ATR: variants seen among roughly 807,000 people sequenced by gnomAD.
ATR encodes the protein ATR checkpoint kinase, also known as serine/threonine-protein kinase ATR.
ATR carries 142 observed loss-of-function variants against 305.3 expected under a neutral mutation model. That is an observed-to-expected ratio of 0.47 (90% CI 0.41 to 0.53). The LOEUF is 0.53. Ranked by LOEUF, ATR falls within the 20% of genes least tolerant of loss-of-function variation. The pLI is 0.00. For missense variants in ATR, 2,135 were observed against 3,133.1 expected (o/e 0.68, Z 7.60); for synonymous variants, 1,050 against 1,068.1 (o/e 0.98, Z 0.33).
intron 27 of ATR, among the ~76,000 whole-genome samples, chr3:142,509,747 G>A (rs1219622422): frequency 6.6e-6 from 1 of 151,032 alleles, no homozygotes; most frequent in African/African-American, 2.4e-5. Flanking sequence ...TTGTAGAGAT[G>A]GGGGTCTCTA....
At chr3:142,518,642 T>TA (rs1295189246) in intron 24 of ATR, among the ~76,000 whole-genome samples, 6 of 152,290 alleles carry the variant, frequency 3.9e-5, no homozygotes, top group African/African-American at 9.6e-5. Context: ...TTTCTAAGTA[T>TA]AAAAAATTAT....
intron 8 of ATR, 43 bp from the exon 9 acceptor site, chr3:142,556,618 A>G: frequency 1.3e-6 from 2 of 1,563,868 alleles, no homozygotes; most frequent in Middle Eastern, 3.4e-4. Flanking sequence ...TACTAATGTT[A>G]ATTTTATGTA....
At chr3:142,540,349 GA>G (rs1300171848) in intron 18 of ATR, among the ~76,000 whole-genome samples, 1 of 151,946 alleles carries the variant, frequency 6.6e-6, no homozygotes, top group African/African-American at 2.4e-5. Flanking sequence ...AACATCTCTG[GA>G]AAAACATCTC....
chr3:142,528,425 G>C (rs1337584690), intron 21 of ATR, among the ~76,000 whole-genome samples: 1 of 151,928 alleles, frequency 6.6e-6, no homozygotes, highest in Non-Finnish European at 1.5e-5. Context: ...TATGAATTAT[G>C]GCATTAAGCA....
intron 36 of ATR, among the ~76,000 whole-genome samples, chr3:142,476,973 A>G (rs2029882698): frequency 6.6e-6 from 1 of 152,198 alleles, no homozygotes; most frequent in South Asian, 2.1e-4. Context: ...GAAGTTGCTT[A>G]TCAGCTTAAA....
intron 32 of ATR, 37 bp downstream of exon 32, chr3:142,498,560 A>G (rs2108340259): frequency 5.6e-6 from 9 of 1,602,618 alleles, no homozygotes; most frequent in South Asian, 1.1e-5. Flanking sequence ...GGTGACATTT[A>G]TAGGCCAGAA....
chr3:142,543,339 A>C (rs2034126353), intron 16 of ATR, among the ~76,000 whole-genome samples: 1 of 150,276 alleles, frequency 6.7e-6, no homozygotes, highest in Non-Finnish European at 1.5e-5. Context: ...TTCCTTCCTT[A>C]GTTCCTTCCT....
intron 16 of ATR, among the ~76,000 whole-genome samples, chr3:142,546,160 T>C (rs1040884030): frequency 6.6e-6 from 1 of 152,084 alleles, no homozygotes; most frequent in Non-Finnish European, 1.5e-5. Flanking sequence ...GGAGAGAGTA[T>C]GGTATTCATA....
chr3:142,495,362 T>C (rs1055674635), intron 34 of ATR, among the ~76,000 whole-genome samples: 1 of 152,168 alleles, frequency 6.6e-6, no homozygotes, highest in Non-Finnish European at 1.5e-5. Context: ...AAGTATCAAT[T>C]CCAGAACATG....
rs2108279055 is a variant in ATR, at chr3:142,469,438, G to A, written c.6451C>T (p.His2151Tyr). The part of the protein sequence containing the change: ...AFSQLISRIC[H>Y]SHDEVFVVLM... ...ACAACAAAAACTTCATCGTGAGAAT[G>A]ACAAATTCGAGAGATCAATTGTGAA... Residue 2151 changes from histidine (H) to tyrosine (Y), a missense_variant, in exon 38 of 47, where the codon CAT (histidine) becomes TAT (tyrosine). This residue lies in a region of ATR where 462 missense variants were observed against 887.6 expected (regional missense o/e 0.52). Transcript: ENST00000350721. 1 of 1,613,922 alleles carries A rather than the reference G, an allele frequency of 6.2e-7. No individual in the cohort carries two copies. The highest frequency in any genetic ancestry group is 8.5e-7 in the Non-Finnish European group (1 of 1,179,902).
intron 24 of ATR, among the ~76,000 whole-genome samples, chr3:142,516,982 A>AT (rs1197542057): frequency 1.5e-3 from 160 of 108,170 alleles, no homozygotes; most frequent in African/African-American, 6.5e-3. Context: ...TTATACCCAA[A>AT]TAATATATAT....
At chr3:142,526,583 T>C (rs1183252141) in intron 21 of ATR, among the ~76,000 whole-genome samples, 2 of 151,922 alleles carry the variant, frequency 1.3e-5, no homozygotes, top group Non-Finnish European at 2.9e-5. Flanking sequence ...TAAGATAATA[T>C]TCATCAATTT....
At chr3:142,482,989 C>CA (rs1297196855) in intron 36 of ATR, among the ~76,000 whole-genome samples, 8 of 135,706 alleles carry the variant, frequency 5.9e-5, no homozygotes, top group East Asian at 4.2e-4. Flanking sequence ...CCCTTTCTTT[C>CA]TTTTTTTTTT....
chr3:142,563,554 A>G (rs1178406144), intron 3 of ATR, among the ~76,000 whole-genome samples: 1 of 152,184 alleles, frequency 6.6e-6, no homozygotes, highest in Non-Finnish European at 1.5e-5. Flanking sequence ...GGATAAATGT[A>G]TGTGTTCTGA....
At chr3:142,521,480 T>C (rs1261804042) in intron 23 of ATR, among the ~76,000 whole-genome samples, 1 of 152,216 alleles carries the variant, frequency 6.6e-6, no homozygotes, top group Non-Finnish European at 1.5e-5. Context: ...CCACAGATAG[T>C]AATTCCTCTG....
rs913133549 is a variant in ATR at position 142,497,208 on chromosome 3, G to A, written c.5559-16C>T. ...CATGTGCAATCTGAAGATAGATAGA[G>A]CCTATGTTAAAATGTTATCATATTC... On this transcript the variant is annotated splice_polypyrimidine_tract_variant and intron_variant, in intron 32 of 46. Coordinates refer to ENST00000350721, the MANE Select transcript of ATR (RefSeq NM_001184.4). The A allele has an allele frequency of 2.5e-6, 4 of 1,612,260 alleles. No individual in the cohort carries two copies. The African/African-American group carries it at 4.0e-5, about 16-fold the overall frequency.
At chr3:142,542,546 A>G (rs2034091038) in intron 17 of ATR, 119 bp downstream of exon 17, 2 of 946,106 alleles carry the variant, frequency 2.1e-6, no homozygotes, top group Non-Finnish European at 1.7e-6. Flanking sequence ...TGAGTTCTTC[A>G]GCAATAGAGA....
At chr3:142,555,177 AG>A (rs2034620994) in intron 10 of ATR, among the ~76,000 whole-genome samples, 1 of 151,972 alleles carries the variant, frequency 6.6e-6, no homozygotes, top group Non-Finnish European at 1.5e-5. Flanking sequence ...CAGAGGTTGC[AG>A]TGAGCCAAGA....
chr3:142,543,423 C>T (rs373641715), intron 16 of ATR, among the ~76,000 whole-genome samples: 13 of 148,410 alleles, frequency 8.8e-5, no homozygotes, highest in African/African-American at 3.2e-4. Context: ...CCTTTCCTCC[C>T]TCCCTCCGTC....
Sources: allele counts gnomAD v4.1 joint callset (sites outside exome capture counted in the v4.1 genomes callset), GRCh38; gene constraint gnomAD v4.1.1; regional missense constraint gnomAD v4.1.1; transcripts MANE v1.5; gene names NCBI Gene and HGNC (gene_info 2026-07-23, HGNC 2026-07-21).